Variants in MCC observed in about 807,000 individuals in gnomAD.
MCC encodes colorectal mutant cancer protein.
MCC carries 90 observed loss-of-function variants against 116.2 expected under a neutral mutation model. The observed-to-expected ratio is 0.77, with a 90% CI of 0.65 to 0.92. MCC has a LOEUF of 0.92. MCC is among the 40% of genes least tolerant of loss of function. MCC has a pLI of 0.00. For missense variants in MCC, 1,516 were observed against 1,312.2 expected (o/e 1.16, Z -2.40); for synonymous variants, 578 against 510.5 (o/e 1.13, Z -1.78).
At chr5:113,148,633 A>G (rs2150289716) in intron 4 of MCC, among the ~76,000 whole-genome samples, 1 of 152,360 alleles carries the variant, frequency 6.6e-6, no homozygotes, top group East Asian at 1.9e-4. Context: ...ATCTTTTACC[A>G]AGGCATATAA....
At chr5:113,379,754 C>T (rs1292959063) in intron 2 of MCC, among the ~76,000 whole-genome samples, 2 of 152,086 alleles carry the variant, frequency 1.3e-5, no homozygotes, top group Non-Finnish European at 2.9e-5. Context: ...CGTGTTTGTT[C>T]AGGTGCCTTA....
chr5:113,123,066 T>C (rs1757831469), intron 5 of MCC, among the ~76,000 whole-genome samples: 3 of 152,200 alleles, frequency 2.0e-5, no homozygotes, highest in South Asian at 4.1e-4. Flanking sequence ...GATTCATCTA[T>C]CAGCCTGCAG....
intron 3 of MCC, among the ~76,000 whole-genome samples, chr5:113,279,432 T>TA (rs57613299): frequency 6.6e-6 from 1 of 151,338 alleles, no homozygotes; most frequent in East Asian, 1.9e-4. Context: ...ACACTGACAT[T>TA]AAAAAAAAAT....
chr5:113,043,510 G>C lies in MCC; in HGVS notation c.2756+20C>G, dbSNP rs1211244161. 1.2e-6 allele frequency: 2 copies of C among 1,604,270 alleles called. No homozygotes were observed. Among genetic ancestry groups the C allele is most frequent in the Non-Finnish European group, 1.7e-6 (2 of 1,171,848 alleles). On this transcript the variant is annotated intron_variant, in intron 17 of 18. Transcript: ENST00000408903. The stretch of plus-strand genomic sequence containing the variant: ...CATGCCCAGGATAAACACCAGCTGG[G>C]GTGGGGAAAGGGTGCTTACCGACGA...
At chr5:113,271,989 C>G (rs1765636143) in intron 3 of MCC, among the ~76,000 whole-genome samples, 1 of 152,138 alleles carries the variant, frequency 6.6e-6, no homozygotes, top group Admixed American at 6.5e-5. Context: ...AACAGAGACT[C>G]AAACAAGTAA....
At chr5:113,403,685 T>C (rs1442789923) in intron 1 of MCC, among the ~76,000 whole-genome samples, 1 of 151,496 alleles carries the variant, frequency 6.6e-6, no homozygotes, top group Non-Finnish European at 1.5e-5. Flanking sequence ...AGGTGGGAAA[T>C]GAAGGAGGAA....
intron 18 of MCC, 21 bp from the exon 19 acceptor site, chr5:113,027,503 A>C (rs1413800857): frequency 2.5e-6 from 4 of 1,612,630 alleles, no homozygotes; most frequent in South Asian, 1.1e-5. Flanking sequence ...ATGAAGGGAA[A>C]TTGGTATTAA....
In MCC at chr5:113,237,954, G is replaced by T. The variant is rs539444637; in HGVS notation, c.628-86532C>A. On this transcript the variant is annotated intron_variant, in intron 3 of 18. Coordinates refer to ENST00000408903, the MANE Select transcript of MCC (RefSeq NM_001085377.2). ...GAATGAGTATGGTTTGGGGAGCTGG[G>T]GAGGGAAAAAACTGAAGTAGGGAAA... Among the ~76,000 whole-genome samples the T allele has an allele frequency of 7.9e-5, 12 of 152,288 alleles. 1 individual carries two copies. In the South Asian group the frequency reaches 1.5e-3, roughly 18 times the overall value.
rs150286036 is a variant in MCC at position 113,112,156 on chromosome 5, G to A, written c.1028-7801C>T. Among the ~76,000 whole-genome samples the A allele has an allele frequency of 2.2e-3, 338 of 152,278 alleles. 4 individuals are homozygous for A. Among genetic ancestry groups the A allele is most frequent in the African/African-American group, 7.1e-3 (297 of 41,558 alleles). On this transcript the variant is annotated intron_variant, in intron 6 of 18. Coordinates refer to ENST00000408903, the MANE Select transcript of MCC (RefSeq NM_001085377.2). The stretch of plus-strand genomic sequence containing the variant: ...AGCTTCCAAAAGCACGTGTTCCTGG[G>A]GATCGGTACTTGCTTCACACTAGTG...
chr5:113,340,587 T>C lies in MCC; in HGVS notation c.559A>G (p.Lys187Glu). ...ATGTGCGGGGACTGTGTGAGCAGTTTGTGGAGAGCAGCCTGCTGATGCAAA... is the reference window on the plus strand; with the variant it reads ...ATGTGCGGGGACTGTGTGAGCAGTTCGTGGAGAGCAGCCTGCTGATGCAAA... ...SSLHQQAALH[K>E]LLTQSPHIGN... is the part of the protein sequence containing the mutation. The change falls in exon 3 of 19, where the codon AAA becomes GAA. Residue 187 changes from lysine (K) to glutamate (E), a missense_variant. Coordinates refer to ENST00000408903, the MANE Select transcript of MCC (RefSeq NM_001085377.2). The C allele has an allele frequency of 6.2e-7, 1 of 1,614,118 alleles. No individual in the cohort carries two copies. The highest frequency in any genetic ancestry group is 8.5e-7 in the Non-Finnish European group (1 of 1,179,994).
At chr5:113,174,193 G>A (rs1386858416) in intron 3 of MCC, among the ~76,000 whole-genome samples, 1 of 152,148 alleles carries the variant, frequency 6.6e-6, no homozygotes, top group Admixed American at 6.5e-5. Flanking sequence ...CCAAGGTAGG[G>A]GTGGGTAGAC....
intron 1 of MCC, among the ~76,000 whole-genome samples, chr5:113,435,389 G>A (rs1770820552): frequency 6.6e-6 from 1 of 152,200 alleles, no homozygotes; most frequent in African/African-American, 2.4e-5. Context: ...AGAAAAGGGT[G>A]GGAATGGTCC....
intron 3 of MCC, among the ~76,000 whole-genome samples, chr5:113,338,043 G>A (rs895368186): frequency 1.3e-5 from 2 of 152,214 alleles, no homozygotes; most frequent in Non-Finnish European, 2.9e-5. Flanking sequence ...CACAGGACAG[G>A]ATGAAGAACT....
chr5:113,286,012 G>A (rs908033724), intron 3 of MCC, among the ~76,000 whole-genome samples: 3 of 152,154 alleles, frequency 2.0e-5, no homozygotes, highest in Non-Finnish European at 4.4e-5. Flanking sequence ...ATGGCAACTG[G>A]GATTTGGTCC....
In MCC at chr5:113,365,865, A is replaced by G. The variant is rs529925632; in HGVS notation, c.415+19103T>C. ...AGGTGTTACATGCTTTTAAACAACCATATCTTGTGAGAACTCACTCACTAT... is the reference window on the plus strand; with the variant it reads ...AGGTGTTACATGCTTTTAAACAACCGTATCTTGTGAGAACTCACTCACTAT... On this transcript the variant is annotated intron_variant, in intron 2 of 18. Coordinates refer to ENST00000408903, the MANE Select transcript of MCC (RefSeq NM_001085377.2). 5.3e-5 allele frequency among the ~76,000 whole-genome samples: 8 copies of G among 152,268 alleles called. No individual in the cohort carries two copies. The East Asian group carries it at 1.5e-3, about 29-fold the overall frequency.
chr5:113,456,933 C>G (rs559821619), intron 1 of MCC, among the ~76,000 whole-genome samples: 1 of 152,270 alleles, frequency 6.6e-6, no homozygotes, highest in South Asian at 2.1e-4. Flanking sequence ...CTCAAGGCAT[C>G]TATGAAGCAG....
At position 113,049,104 on chromosome 5, in the gene MCC, T is replaced by G; in HGVS notation, c.2644A>C (p.Lys882Gln). The G allele has an allele frequency of 6.2e-7, 1 of 1,614,166 alleles. No homozygotes were observed. The highest frequency in any genetic ancestry group is 8.5e-7 in the Non-Finnish European group (1 of 1,180,024). Reference protein sequence around the residue: ...LSSTSSGSKDKPGKECADAAS... With the variant: ...LSSTSSGSKDQPGKECADAAS... ...CACTCCGGCCCTACCTTGCCAGGTT[T>G]GTCTTTGCTGCCGCTGCTGGTGGAG... is the stretch of plus-strand genomic sequence containing the variant. The change falls in exon 16 of 19, where the codon AAA becomes CAA. Residue 882 changes from lysine to glutamine, a missense_variant. Coordinates refer to ENST00000408903, the MANE Select transcript of MCC (RefSeq NM_001085377.2).
At chr5:113,470,461 G>A (rs1029144730) in intron 1 of MCC, among the ~76,000 whole-genome samples, 4 of 152,082 alleles carry the variant, frequency 2.6e-5, no homozygotes, top group African/African-American at 7.2e-5. Context: ...GGCTGGATAT[G>A]AAATTCTGGG....
intron 3 of MCC, among the ~76,000 whole-genome samples, chr5:113,263,255 G>T (rs946486038): frequency 3.9e-5 from 6 of 152,168 alleles, no homozygotes; most frequent in Non-Finnish European, 8.8e-5. Context: ...GAAGATTGCA[G>T]CTAAATCTAT....
Sources: gnomAD v4.1 joint callset for allele counts (sites outside exome capture counted in the v4.1 genomes callset) on GRCh38, gnomAD v4.1.1 for gene constraint, MANE v1.5 for transcripts, NCBI Gene and HGNC (gene_info 2026-07-23, HGNC 2026-07-21) for gene names.